The following RNF135 variants were observed in gnomAD, a reference collection of about 807,000 sequenced individuals.
The protein encoded by RNF135 is ring finger protein 135, also known as E3 ubiquitin-protein ligase RNF135.
Under a neutral mutation model 41.9 loss-of-function variants are expected in RNF135, and 46 were observed. The ratio of observed to expected loss-of-function variants is 1.10; its 90% CI spans 0.87 to 1.40. RNF135 has a LOEUF of 1.40. RNF135 is among the 40% of genes most tolerant of loss of function. RNF135 has a pLI of 0.00. For missense variants in RNF135, 539 were observed against 549.8 expected (o/e 0.98, Z 0.20); for synonymous variants, 238 against 223.8 (o/e 1.06, Z -0.57).
chr17:30,988,568 C>T (rs145971897), intron 3 of RNF135, among the ~76,000 whole-genome samples: 6 of 151,254 alleles, frequency 4.0e-5, no homozygotes, highest in South Asian at 4.2e-4. Flanking sequence ...GCTGGGACTA[C>T]AGGTGCCCGC....
chr17:30,960,700 TTTTTA>T, the RNF135 span, among the ~76,000 whole-genome samples: 452 of 148,996 alleles, frequency 3.0e-3, 1 homozygote, highest in African/African-American at 9.5e-3. Context: ...TAATATGTAA[TTTTTA>T]TTTTATTTTA....
Position 30,984,686 on chromosome 17 carries a change from A to G in RNF135, c.442A>G (p.Ile148Val), listed in dbSNP as rs1907459067. The G allele has an allele frequency of 3.1e-6, 5 of 1,614,150 alleles. No homozygotes were observed. Among genetic ancestry groups the G allele is most frequent in the Non-Finnish European group, 4.2e-6 (5 of 1,180,028 alleles). The stretch of plus-strand genomic sequence containing the variant: ...AGAGCTGGTGGAACATCTTGTAGAC[A>G]TTGTCAGAAGCCTGCAGAATCAGAG... ...LTELVEHLVDIVRSLQNQRPL... is the reference protein window; with the variant it reads ...LTELVEHLVDVVRSLQNQRPL... Residue 148 changes from isoleucine to valine, a missense_variant, in exon 2 of 5, where the codon ATT (isoleucine) becomes GTT (valine). Transcript: ENST00000328381.
chr17:30,978,612 T>TA (rs1004448704), intron 1 of RNF135: 2 of 150,494 alleles, frequency 1.3e-5, no homozygotes, highest in African/African-American at 5.0e-5. Flanking sequence ...ATTTTTTATT[T>TA]TTTATTTTTT....
At chr17:30,963,725 C>T in the RNF135 span, among the ~76,000 whole-genome samples, 4 of 152,124 alleles carry the variant, frequency 2.6e-5, no homozygotes, top group African/African-American at 9.7e-5. Context: ...GTGAAGGCTT[C>T]TTTAATCAAG....
intron 1 of RNF135, chr17:30,975,806 G>A: frequency 9.8e-7 from 1 of 1,022,112 alleles, no homozygotes. Context: ...CAAGGTCCCT[G>A]CAGATGACTT....
At chr17:30,978,299 T>A (rs2142678152) in intron 1 of RNF135, among the ~76,000 whole-genome samples, 1 of 152,362 alleles carries the variant, frequency 6.6e-6, no homozygotes, top group Non-Finnish European at 1.5e-5. Context: ...AGTTCCATGC[T>A]ATTATTTCTT....
rs930602664 is a variant in RNF135 at position 30,971,337 on chromosome 17, C to G, written c.264C>G (p.Ala88=). The G allele has an allele frequency of 7.2e-5, 111 of 1,533,646 alleles. No individual in the cohort carries two copies. The highest frequency in any genetic ancestry group is 9.5e-5 in the Non-Finnish European group (109 of 1,143,708). ...LQDLADKYRR[A]AREIQAGSDP... Reference sequence around the variant, plus strand: ...ACCTGGCCGACAAGTACCGCCGCGCCGCACGCGAGATACAGGCGGGCTCCG... The same window carrying G: ...ACCTGGCCGACAAGTACCGCCGCGCGGCACGCGAGATACAGGCGGGCTCCG... The change falls in exon 1 of 5, where the codon GCC becomes GCG. Residue 88 remains alanine, a synonymous_variant. Transcript: ENST00000328381.
At chr17:30,974,047 A>G (rs1906230309) in intron 1 of RNF135, among the ~76,000 whole-genome samples, 1 of 152,238 alleles carries the variant, frequency 6.6e-6, no homozygotes, top group African/African-American at 2.4e-5. Context: ...CTAGAAAAAT[A>G]CAAAAAATTA....
chr17:30,981,823 T>C (rs144927998), intron 1 of RNF135, among the ~76,000 whole-genome samples: 203 of 152,336 alleles, frequency 1.3e-3, no homozygotes, highest in African/African-American at 4.7e-3. Context: ...ACCTTGGTGG[T>C]CTTGTATAAG....
upstream of RNF135, chr17:30,968,681 C>G (rs1905658647): frequency 6.6e-6 from 1 of 152,424 alleles, no homozygotes; most frequent in Admixed American, 6.5e-5. Flanking sequence ...AGCCACTGCG[C>G]CCGGCCCCCA....
chr17:30,980,655 C>A (rs1314436000), intron 1 of RNF135, among the ~76,000 whole-genome samples: 1 of 134,744 alleles, frequency 7.4e-6, no homozygotes, highest in African/African-American at 2.8e-5. Flanking sequence ...ACGGAGCGGC[C>A]GGGCAGAGAC....
chr17:30,970,989 A>G, upstream of RNF135: 2 of 1,515,030 alleles, frequency 1.3e-6, no homozygotes, highest in East Asian at 2.5e-5. Context: ...GGAGGAGGGC[A>G]AGGGGAAGAG....
At chr17:30,975,169 A>G (rs1036158483) in intron 1 of RNF135, among the ~76,000 whole-genome samples, 2 of 151,982 alleles carry the variant, frequency 1.3e-5, no homozygotes, top group Non-Finnish European at 2.9e-5. Flanking sequence ...AAAAAAAAGA[A>G]AAAAGAAGCT....
At chr17:30,975,118 A>G (rs957553239) in intron 1 of RNF135, among the ~76,000 whole-genome samples, 2 of 151,684 alleles carry the variant, frequency 1.3e-5, no homozygotes, top group African/African-American at 4.8e-5. Context: ...GTGAGATCCA[A>G]TTAAAAAAAA....
intron 1 of RNF135, among the ~76,000 whole-genome samples, chr17:30,983,336 TA>T (rs1567743135): frequency 0.014 from 415 of 28,882 alleles, 14 homozygotes; most frequent in African/African-American, 0.034. Flanking sequence ...TATATATATA[TA>T]TATATATATA....
At chr17:30,983,325 A>ATATATATATATATG in intron 1 of RNF135, among the ~76,000 whole-genome samples, 1 of 32,874 alleles carries the variant, frequency 3.0e-5, no homozygotes, top group Non-Finnish European at 6.3e-5. Flanking sequence ...ATGTACATAT[A>ATATATATATATATG]TATATATATA....
chr17:30,987,634 G>T (rs1907683932), intron 2 of RNF135, among the ~76,000 whole-genome samples: 1 of 152,032 alleles, frequency 6.6e-6, no homozygotes. Flanking sequence ...AACTTTTTTG[G>T]TATTACCTAA....
intron 1 of RNF135, chr17:30,973,263 T>G (rs989750269): frequency 6.6e-6 from 1 of 152,222 alleles, no homozygotes; most frequent in African/African-American, 2.4e-5. Flanking sequence ...GATATCAAAT[T>G]AGATATGACT....
Position 30,971,348 on chromosome 17 carries a change from T to TA in RNF135, c.276dup (p.Gln93ThrfsTer111). 6.5e-7 allele frequency: 1 copy of TA among 1,532,176 alleles called. No homozygotes were observed. The highest frequency in any genetic ancestry group is 8.7e-7 in the Non-Finnish European group (1 of 1,143,394). The allele number at this position is 1,532,176 out of a possible 1,614,324, so 94.9% of individuals were successfully genotyped here. A position where few individuals can be genotyped will look rare whatever the true frequency, so the allele number is the denominator to read the frequency against. On this transcript the variant is annotated frameshift_variant, in exon 1 of 5. Coordinates refer to ENST00000328381, the MANE Select transcript of RNF135 (RefSeq NM_032322.4). LOFTEE classifies it high-confidence loss of function. Reference sequence around the variant, plus strand: ...AAGTACCGCCGCGCCGCACGCGAGATACAGGCGGGCTCCGACCCTGCCCAC... The same window carrying TA: ...AAGTACCGCCGCGCCGCACGCGAGATAACAGGCGGGCTCCGACCCTGCCCAC...
Sources: allele counts gnomAD v4.1 joint callset (sites outside exome capture counted in the v4.1 genomes callset), GRCh38; gene constraint gnomAD v4.1.1; transcripts MANE v1.5; gene names NCBI Gene and HGNC (gene_info 2026-07-23, HGNC 2026-07-21).